The following TCHH variants were observed in gnomAD, a reference collection of about 807,000 sequenced individuals.
TCHH encodes the protein trichohyalin.
A neutral mutation model predicts 6.3 loss-of-function variants in TCHH; 6 were observed. That is an observed-to-expected ratio of 0.95 (90% CI 0.52 to 1.88). The LOEUF (loss-of-function observed/expected upper bound fraction) is 1.88. TCHH is among the 40% of genes most tolerant of loss of function. The probability of loss-of-function intolerance (pLI) is 0.01; values close to 1 mark genes in which losing one functional copy is unlikely to be tolerated. For synonymous variants in TCHH, 1,087 were observed against 963.6 expected (o/e 1.13, Z -2.37); for missense variants, 2,920 against 2,449.1 (o/e 1.19, Z -4.06).
Position 152,108,791 on chromosome 1 carries a change from G to A in TCHH, c.4426C>T (p.Gln1476Ter). 18 of 1,612,124 alleles carry A rather than the reference G, an allele frequency of 1.1e-5. No individual in the cohort carries two copies. The highest frequency in any genetic ancestry group is 1.5e-5 in the Non-Finnish European group (18 of 1,179,646). ...EEQLLQEREE[Q>*]QLHRQERDRK... ...TCACGCTCTTGGCGGTGCAGCTGCT[G>A]TTCTTCCCTTTCCTGGAGCAGCTGT... is the stretch of plus-strand genomic sequence containing the variant. Residue 1476 changes from glutamine to a stop codon, truncating the protein, a stop_gained, in exon 3 of 3, where the codon CAG becomes TAG. Coordinates refer to ENST00000614923, the MANE Select transcript of TCHH (RefSeq NM_007113.4). LOFTEE classifies it low-confidence loss of function (END_TRUNC).
In TCHH at chr1:152,110,033, GCTCTTCCTCCTGCTGCAGCTC is replaced by G; in HGVS notation, c.3163_3183del (p.Glu1055_Glu1061del). 1 of 1,606,606 alleles carries G rather than the reference GCTCTTCCTCCTGCTGCAGCTC, an allele frequency of 6.2e-7. No individual in the cohort carries two copies. Among genetic ancestry groups the G allele is most frequent in the Non-Finnish European group, 8.5e-7 (1 of 1,177,494 alleles). On this transcript the variant is annotated inframe_deletion, in exon 3 of 3. Transcript: ENST00000614923. ...GTCTCCCGTTCCTCTCCCAGCAGCT[GCTCTTCCTCCTGCTGCAGCTC>G]CTCTTCCTCCCGATATTGCCTCTCC...
chr1:152,111,699 T>TTGCTGCTCTCGCCTCTCC lies in TCHH; in HGVS notation c.1517_1518insGGAGAGGCGAGAGCAGCA (p.Glu501_Gln506dup). 7.0e-7 allele frequency: 1 copy of TTGCTGCTCTCGCCTCTCC among 1,438,432 alleles called. No homozygotes were observed. The highest frequency in any genetic ancestry group is 9.3e-7 in the Non-Finnish European group (1 of 1,077,546). 89.1% of individuals were successfully genotyped at this position (1,438,432 alleles called of 1,614,324 possible). ...GCCTCTCCTCTTGCTCCCGCCTTAG[T>TTGCTGCTCTCGCCTCTCC]TGCTGCTCGCGCCTCTCCTGCTGCT... On this transcript the variant is annotated inframe_insertion, in exon 3 of 3. Transcript: ENST00000614923.
rs771536173 is a variant in TCHH at position 152,109,724 on chromosome 1, C to T, written c.3493G>A (p.Glu1165Lys). 3 of 1,607,224 alleles carry T rather than the reference C, an allele frequency of 1.9e-6. No individual in the cohort carries two copies. The highest frequency in any genetic ancestry group is 2.2e-5 in the South Asian group (2 of 90,500). The change falls in exon 3 of 3, where the codon GAG (glutamate) becomes AAG (lysine). Residue 1165 changes from glutamate to lysine, a missense_variant. Coordinates refer to ENST00000614923, the MANE Select transcript of TCHH (RefSeq NM_007113.4). ...TCCTCGCGGTATTGCCTCTCCAGCT[C>T]CTGGCGCCTTCTCTTCTCCGGTTCC... ...REEPEKRRRQ[E>K]LERQYREEEE...
rs367952301 is a variant in TCHH, at chr1:152,110,820, C to T, written c.2397G>A (p.Arg799=). The change falls in exon 3 of 3, where the codon AGG becomes AGA. Residue 799 remains arginine (R), a synonymous_variant. Coordinates refer to ENST00000614923, the MANE Select transcript of TCHH (RefSeq NM_007113.4). ...PLREQRERQL[R]AEERQQREQR... ...GTTCCCGCTGCTGGCGCTCCTCGGC[C>T]CTCAGCTGCCTCTCCCGCTGCTCCC... 33 of 1,608,848 alleles carry T rather than the reference C, an allele frequency of 2.1e-5. No homozygotes were observed. The highest frequency in any genetic ancestry group is 3.3e-5 in the Admixed American group (2 of 60,010).
chr1:152,112,650 C>G lies in TCHH; in HGVS notation c.567G>C (p.Glu189Asp). Reference protein sequence around the residue: ...EWQEREERRAEEEQLQSCKGH... With the variant: ...EWQEREERRADEEQLQSCKGH... The stretch of plus-strand genomic sequence containing the variant: ...CTTTGCAACTCTGCAGCTGCTCTTC[C>G]TCTGCACGGCGCTCTTCCCGTTCTT... Residue 189 changes from glutamate (E) to aspartate (D), a missense_variant, in exon 3 of 3, where the codon GAG becomes GAC. Physicochemically the swap from Glu to Asp is conservative, Grantham distance 45 (BLOSUM62 2). Coordinates refer to ENST00000614923, the MANE Select transcript of TCHH (RefSeq NM_007113.4). 6.2e-7 allele frequency: 1 copy of G among 1,614,052 alleles called. No individual in the cohort carries two copies. Among genetic ancestry groups the G allele is most frequent in the South Asian group, 1.1e-5 (1 of 91,086 alleles).
chr1:152,109,228 C>G lies in TCHH; in HGVS notation c.3989G>C (p.Arg1330Pro), dbSNP rs781421789. The G allele has an allele frequency of 1.2e-6, 2 of 1,614,114 alleles. No homozygotes were observed. The highest frequency in any genetic ancestry group is 2.7e-5 in the African/African-American group (2 of 74,938). Residue 1330 changes from arginine to proline, a missense_variant, in exon 3 of 3, where the codon CGC becomes CCC. Arg to Pro is a moderately radical substitution (Grantham distance 103). Transcript: ENST00000614923. Reference sequence around the variant, plus strand: ...GAATTTTCTGTCTGTCTCTTGACGGCGTCTCTTCTCTTCTCTTTCCTCTCT... The same window carrying G: ...GAATTTTCTGTCTGTCTCTTGACGGGGTCTCTTCTCTTCTCTTTCCTCTCT... Reference protein sequence around the residue: ...LLREEREEKRRRQETDRKFRE... With the variant: ...LLREEREEKRPRQETDRKFRE...
chr1:152,114,168 T>G (rs1658457633), intron 1 of TCHH, 57 bp from the exon 2 acceptor site: 6 of 1,290,682 alleles, frequency 4.6e-6, no homozygotes, highest in Middle Eastern at 2.2e-4. Context: ...TTGGGAAGGC[T>G]TCATTCACAC....
In TCHH at chr1:152,111,107, A is replaced by T; in HGVS notation, c.2110T>A (p.Trp704Arg). ...GCCTCGCTTTCTAGCTGCCACTGCC[A>T]CTTCGGGATGCGGCTCTTAATCCGC... Reference protein sequence around the residue: ...RERIKSRIPKWQWQLESEADA... With the variant: ...RERIKSRIPKRQWQLESEADA... The change falls in exon 3 of 3, where the codon TGG becomes AGG. Residue 704 changes from tryptophan to arginine, a missense_variant. Physicochemically the swap from Trp to Arg is moderately radical, Grantham distance 101. Coordinates refer to ENST00000614923, the MANE Select transcript of TCHH (RefSeq NM_007113.4). The T allele has an allele frequency of 6.2e-7, 1 of 1,613,478 alleles. No individual in the cohort carries two copies. Among genetic ancestry groups the T allele is most frequent in the Non-Finnish European group, 8.5e-7 (1 of 1,179,982 alleles).
At position 152,111,372 on chromosome 1, in the gene TCHH, C is replaced by G. The variant is rs1445685892; in HGVS notation, c.1845G>C (p.Arg615Ser). Residue 615 changes from arginine (R) to serine (S), a missense_variant, in exon 3 of 3, where the codon AGG becomes AGC. Transcript: ENST00000614923. ...EEVERLEQEERREQRLKREEP... is the reference protein window; with the variant it reads ...EEVERLEQEESREQRLKREEP... ...CCTCGCGCTTCAGCCGCTGCTCGCG[C>G]CTCTCCTCCTGCTCGAGTCTCTCCA... is the stretch of plus-strand genomic sequence containing the variant. 6.2e-7 allele frequency: 1 copy of G among 1,612,104 alleles called. No homozygotes were observed. The highest frequency in any genetic ancestry group is 2.2e-5 in the East Asian group (1 of 44,672).
Position 152,108,654 on chromosome 1 carries a change from T to C in TCHH, c.4563A>G (p.Glu1521=). The C allele has an allele frequency of 6.2e-7, 1 of 1,610,062 alleles. No homozygotes were observed. Among genetic ancestry groups the C allele is most frequent in the Non-Finnish European group, 8.5e-7 (1 of 1,179,468 alleles). The change falls in exon 3 of 3, where the codon GAA becomes GAG. Residue 1521 remains glutamate (E), a synonymous_variant. Coordinates refer to ENST00000614923, the MANE Select transcript of TCHH (RefSeq NM_007113.4). ...GCCGTTGCTGGCGGTGCAGCTGCTG[T>C]TCCTCCTCGAGGAATTTTCTCTCTG... ...QEPERKFLEE[E]QQLHRQQRQR...
chr1:152,108,661 TC>T lies in TCHH; in HGVS notation c.4555del (p.Glu1519ArgfsTer54), dbSNP rs1321423878. 6 of 1,609,454 alleles carry T rather than the reference TC, an allele frequency of 3.7e-6. No individual in the cohort carries two copies. The highest frequency in any genetic ancestry group is 2.2e-5 in the South Asian group (2 of 90,894). On this transcript the variant is annotated frameshift_variant, in exon 3 of 3. Coordinates refer to ENST00000614923, the MANE Select transcript of TCHH (RefSeq NM_007113.4). LOFTEE classifies it low-confidence loss of function (END_TRUNC). ...RSQEPERKFL[E>X]EEQQLHRQQR... The stretch of plus-strand genomic sequence containing the variant: ...CTGGCGGTGCAGCTGCTGTTCCTCC[TC>T]GAGGAATTTTCTCTCTGGTTCCTGA...
At chr1:152,114,237 T>A in intron 1 of TCHH, 126 bp from the exon 2 acceptor site, 1 of 640,404 alleles carries the variant, frequency 1.6e-6, no homozygotes, top group Non-Finnish European at 2.5e-6. Flanking sequence ...ACCTGGACTT[T>A]CAGAGCACTT....
Position 152,111,260 on chromosome 1 carries a change from C to G in TCHH, c.1957G>C (p.Glu653Gln), listed in dbSNP as rs914959856. ...RQQQLRREQQ[E>Q]RREQRLKREE... ...CGCTTCAGCCGCTGCTCGCGCCTTT[C>G]CTGCTGCTCGCGCCTTAGTTGCTGC... The change falls in exon 3 of 3, where the codon GAA (glutamate) becomes CAA (glutamine). Residue 653 changes from glutamate (E) to glutamine (Q), a missense_variant. Transcript: ENST00000614923. The G allele has an allele frequency of 2.6e-5, 42 of 1,604,422 alleles. No homozygotes were observed. The highest frequency in any genetic ancestry group is 3.6e-5 in the Non-Finnish European group (42 of 1,174,882).
Position 152,108,669 on chromosome 1 carries a change from T to C in TCHH, c.4548A>G (p.Lys1516=), listed in dbSNP as rs776360407. Residue 1516 remains lysine, a synonymous_variant, in exon 3 of 3, where the codon AAA becomes AAG. Coordinates refer to ENST00000614923, the MANE Select transcript of TCHH (RefSeq NM_007113.4). The stretch of plus-strand genomic sequence containing the variant: ...GCAGCTGCTGTTCCTCCTCGAGGAA[T>C]TTTCTCTCTGGTTCCTGACTGCGCA... ...QELRSQEPER[K]FLEEEQQLHR... is the part of the protein sequence containing the mutation. 1 of 1,605,520 alleles carries C rather than the reference T, an allele frequency of 6.2e-7. No homozygotes were observed. The highest frequency in any genetic ancestry group is 1.7e-5 in the Admixed American group (1 of 58,484).
chr1:152,107,952 G>C lies in TCHH; in HGVS notation c.5265C>G (p.Leu1755=). The C allele has an allele frequency of 6.3e-7, 1 of 1,592,734 alleles. No individual in the cohort carries two copies. Among genetic ancestry groups the C allele is most frequent in the African/African-American group, 1.4e-5 (1 of 69,740 alleles). The part of the protein sequence containing the change: ...RYRKILEEEQ[L]RPEREEQQLR... The stretch of plus-strand genomic sequence containing the variant: ...GCTGCTGTTCTTCCCTTTCCGGACG[G>C]AGCTGCTCTTCCTCTAGGATTTTTC... The change falls in exon 3 of 3, where the codon CTC becomes CTG. Residue 1755 remains leucine (L), a synonymous_variant. Coordinates refer to ENST00000614923, the MANE Select transcript of TCHH (RefSeq NM_007113.4).
Position 152,110,995 on chromosome 1 carries a change from C to G in TCHH, c.2222G>C (p.Arg741Pro). The G allele has an allele frequency of 6.2e-7, 1 of 1,613,246 alleles. No homozygotes were observed. The highest frequency in any genetic ancestry group is 1.3e-5 in the African/African-American group (1 of 74,926). Residue 741 changes from arginine (R) to proline (P), a missense_variant, in exon 3 of 3, where the codon CGC (arginine) becomes CCC (proline). Physicochemically the swap from Arg to Pro is moderately radical, Grantham distance 103. Transcript: ENST00000614923. The stretch of plus-strand genomic sequence containing the variant: ...CTGCCATTGCAGCTCACTCTCCCGG[C>G]GCCGCCTCTTTTCCTCCTGCTCTTG... Reference protein sequence around the residue: ...RRQEQEEKRRRRESELQWQEE... With the variant: ...RRQEQEEKRRPRESELQWQEE...
chr1:152,115,117 GT>G (rs2101536189), intron 1 of TCHH, among the ~76,000 whole-genome samples: 1 of 152,284 alleles, frequency 6.6e-6, no homozygotes, highest in East Asian at 1.9e-4. Context: ...TGAGATAGCA[GT>G]TTTTAGGAAG....
Position 152,107,564 on chromosome 1 carries a change from T to C in TCHH, c.5653A>G (p.Ile1885Val). Residue 1885 changes from isoleucine (I) to valine (V), a missense_variant, in exon 3 of 3, where the codon ATC becomes GTC. Coordinates refer to ENST00000614923, the MANE Select transcript of TCHH (RefSeq NM_007113.4). ...TGTTCCTCCTTCTGCTGGCGGCGGA[T>C]GTGTTCTTCCCGTAATTTCCTTTCC... ...ERERKLREEHIRRQQKEEQRH... is the reference protein window; with the variant it reads ...ERERKLREEHVRRQQKEEQRH... 6.2e-7 allele frequency: 1 copy of C among 1,613,994 alleles called. No homozygotes were observed. Among genetic ancestry groups the C allele is most frequent in the Non-Finnish European group, 8.5e-7 (1 of 1,179,990 alleles).
chr1:152,110,741 C>G lies in TCHH; in HGVS notation c.2476G>C (p.Glu826Gln). ...AGGAACTGCAGCTCTTTCTCCCTCT[C>G]GCGTCGCTGGCGGCGCCGCTGCTCC... The part of the protein sequence containing the change: ...EKEQRRRQRR[E>Q]REKELQFLEE... Residue 826 changes from glutamate to glutamine, a missense_variant, in exon 3 of 3, where the codon GAG becomes CAG. Glu to Gln is a conservative substitution (Grantham distance 29, BLOSUM62 2). Coordinates refer to ENST00000614923, the MANE Select transcript of TCHH (RefSeq NM_007113.4). 1.2e-6 allele frequency: 2 copies of G among 1,609,630 alleles called. No individual in the cohort carries two copies. The highest frequency in any genetic ancestry group is 1.1e-5 in the South Asian group (1 of 91,090).
Sources: allele counts gnomAD v4.1 joint callset (sites outside exome capture counted in the v4.1 genomes callset), GRCh38; gene constraint gnomAD v4.1.1; transcripts MANE v1.5; gene names NCBI Gene and HGNC (gene_info 2026-07-23, HGNC 2026-07-21).